MAGI2: variants seen among roughly 807,000 people sequenced by gnomAD.
MAGI2 encodes the protein membrane-associated guanylate kinase, WW and PDZ domain-containing protein 2.
MAGI2 carries 35 observed loss-of-function variants against 133.3 expected under a neutral mutation model. The observed-to-expected ratio is 0.26, with a 90% CI of 0.20 to 0.35. The LOEUF (loss-of-function observed/expected upper bound fraction) is 0.35, where lower values mean the gene tolerates loss of function less well. Among genes scored for constraint, MAGI2 ranks in the 10% least tolerant of loss-of-function variants. The pLI is 1.00. For missense variants in MAGI2, 1,636 were observed against 1,863.4 expected, an observed-to-expected ratio of 0.88 and a Z score of 2.25; for synonymous variants, 729 against 710.6, an observed-to-expected ratio of 1.03 and a Z score of -0.41.
Position 78,216,240 on chromosome 7 carries a change from A to C in MAGI2, c.2048-15047T>G, listed in dbSNP as rs2150822439. Among the ~76,000 whole-genome samples, 2 of 152,318 alleles carry C rather than the reference A, an allele frequency of 1.3e-5. 1 individual carries two copies. The highest frequency in any genetic ancestry group is 3.9e-4 in the East Asian group (2 of 5,184). On this transcript the variant is annotated intron_variant, in intron 10 of 21. Transcript: ENST00000354212. ...TTTCAGGTCCTGTGGTTATTTTCTAAATAGTCCTCAATTCTCATGTCCCAT... is the reference window on the plus strand; with the variant it reads ...TTTCAGGTCCTGTGGTTATTTTCTACATAGTCCTCAATTCTCATGTCCCAT...
At chr7:78,987,030 C>T (rs1805325999) in intron 2 of MAGI2, among the ~76,000 whole-genome samples, 2 of 151,876 alleles carry the variant, frequency 1.3e-5, no homozygotes, top group African/African-American at 4.8e-5. Context: ...TAAGCAGCAG[C>T]CCCCAAATTA....
At chr7:79,012,969 CA>C (rs1271551165) in intron 1 of MAGI2, among the ~76,000 whole-genome samples, 1 of 152,082 alleles carries the variant, frequency 6.6e-6, no homozygotes, top group Non-Finnish European at 1.5e-5. Context: ...ATGAGGGTCT[CA>C]CCCTCATAAT....
chr7:78,090,207 C>T (rs1304074319), intron 20 of MAGI2, among the ~76,000 whole-genome samples: 1 of 152,234 alleles, frequency 6.6e-6, no homozygotes. Context: ...GTCCACTGCT[C>T]TTACAGCTAT....
rs536794424 is a variant in MAGI2 at position 78,268,565 on chromosome 7, T to C, written c.1409-11984A>G. Among the ~76,000 whole-genome samples the C allele has an allele frequency of 4.6e-5, 7 of 152,282 alleles. 1 individual carries two copies. The South Asian group carries it at 1.0e-3, about 23-fold the overall frequency. On this transcript the variant is annotated intron_variant, in intron 9 of 21. Transcript: ENST00000354212. Reference sequence around the variant, plus strand: ...TTAGAGGAGTCAAGTCCAACAATTATAAATGACTGAGCTGCCATACCCCTA... The same window carrying C: ...TTAGAGGAGTCAAGTCCAACAATTACAAATGACTGAGCTGCCATACCCCTA...
At chr7:78,166,340 C>T (rs561971946) in intron 15 of MAGI2, among the ~76,000 whole-genome samples, 1 of 152,138 alleles carries the variant, frequency 6.6e-6, no homozygotes, top group Non-Finnish European at 1.5e-5. Context: ...ATAGAACATA[C>T]AGCACAGCAA....
chr7:78,264,371 C>A (rs1435061160), intron 9 of MAGI2, among the ~76,000 whole-genome samples: 2 of 152,170 alleles, frequency 1.3e-5, no homozygotes, highest in African/African-American at 4.8e-5. Flanking sequence ...GTTGAGGACT[C>A]TTTTGTGTCC....
chr7:78,967,529 C>T (rs914468982), intron 2 of MAGI2, among the ~76,000 whole-genome samples: 5 of 151,788 alleles, frequency 3.3e-5, no homozygotes, highest in African/African-American at 1.2e-4. Context: ...AAGACCAATG[C>T]TAGAAAGTTT....
chr7:79,308,428 G>T (rs887342982), intron 1 of MAGI2, among the ~76,000 whole-genome samples: 1 of 152,136 alleles, frequency 6.6e-6, no homozygotes, highest in Non-Finnish European at 1.5e-5. Flanking sequence ...ATGGAAGCAT[G>T]AGCGAGTTCA....
At chr7:78,893,740 G>T (rs186709132) in intron 2 of MAGI2, among the ~76,000 whole-genome samples, 1 of 151,962 alleles carries the variant, frequency 6.6e-6, no homozygotes, top group African/African-American at 2.4e-5. Flanking sequence ...GGTTGGGGGC[G>T]GGGGAGGGAT....
At chr7:78,524,925 T>C (rs903921206) in intron 3 of MAGI2, among the ~76,000 whole-genome samples, 6 of 149,498 alleles carry the variant, frequency 4.0e-5, no homozygotes, top group Admixed American at 2.0e-4. Context: ...TACATAGTAC[T>C]AAGCAAAATG....
At chr7:78,421,246 A>G (rs1420279039) in intron 6 of MAGI2, among the ~76,000 whole-genome samples, 4 of 152,186 alleles carry the variant, frequency 2.6e-5, no homozygotes. Context: ...AAAAGAATAA[A>G]AAAACAGGGT....
intron 6 of MAGI2, among the ~76,000 whole-genome samples, chr7:78,401,471 C>G (rs1047727289): frequency 1.3e-4 from 20 of 149,958 alleles, no homozygotes; most frequent in Non-Finnish European, 1.0e-4. Flanking sequence ...CTCTCTCCCC[C>G]TCTCTCTCTC....
intron 1 of MAGI2, among the ~76,000 whole-genome samples, chr7:79,279,644 C>T (rs1448589703): frequency 2.6e-5 from 4 of 152,078 alleles, no homozygotes; most frequent in African/African-American, 4.8e-5. Flanking sequence ...ACTCCAGCCT[C>T]GGCAACAGAG....
At chr7:79,450,371 A>T (rs1430906431) in intron 1 of MAGI2, among the ~76,000 whole-genome samples, 1 of 152,208 alleles carries the variant, frequency 6.6e-6, no homozygotes, top group South Asian at 2.1e-4. Context: ...AAATAAAATT[A>T]ATCTATGATT....
chr7:79,254,852 G>A (rs956301804), intron 1 of MAGI2, among the ~76,000 whole-genome samples: 3 of 152,154 alleles, frequency 2.0e-5, no homozygotes, highest in African/African-American at 7.2e-5. Flanking sequence ...ACCTAATTCA[G>A]CTCCTTCACT....
intron 1 of MAGI2, among the ~76,000 whole-genome samples, chr7:79,115,966 A>G (rs1050413532): frequency 6.8e-6 from 1 of 146,894 alleles, no homozygotes; most frequent in Admixed American, 7.0e-5. Flanking sequence ...TGTCTTTCAG[A>G]CTCTCCTATC....
intron 2 of MAGI2, among the ~76,000 whole-genome samples, chr7:78,654,972 A>T: frequency 6.6e-6 from 1 of 151,582 alleles, no homozygotes; most frequent in East Asian, 1.9e-4. Flanking sequence ...GCTGCTACAA[A>T]GCCTCTAGCC....
intron 7 of MAGI2, among the ~76,000 whole-genome samples, chr7:78,353,539 C>T (rs1343428207): frequency 6.6e-6 from 1 of 152,024 alleles, no homozygotes; most frequent in Non-Finnish European, 1.5e-5. Context: ...TAGAAGTGGT[C>T]AGGAAAATAT....
At chr7:78,716,109 C>T (rs933466028) in intron 2 of MAGI2, among the ~76,000 whole-genome samples, 2 of 152,118 alleles carry the variant, frequency 1.3e-5, no homozygotes, top group African/African-American at 4.8e-5. Flanking sequence ...AATGTGGTAC[C>T]CCACTGCAAG....
Sources: allele counts gnomAD v4.1 joint callset (sites outside exome capture counted in the v4.1 genomes callset), GRCh38; gene constraint gnomAD v4.1.1; transcripts MANE v1.5; gene names NCBI Gene and HGNC (gene_info 2026-07-23, HGNC 2026-07-21).